The following VAMP7 variants were observed in gnomAD, a reference collection of about 807,000 sequenced individuals.
VAMP7 encodes vesicle associated membrane protein 7, also known as vesicle-associated membrane protein 7.
A neutral mutation model predicts 29.6 loss-of-function variants in VAMP7; 14 were observed. The observed-to-expected ratio is 0.47, with a 90% CI of 0.31 to 0.74. The LOEUF (loss-of-function observed/expected upper bound fraction) is 0.74, where lower values mean the gene tolerates loss of function less well. Among genes scored for constraint, VAMP7 ranks in the 30% least tolerant of loss-of-function variants. VAMP7 has a pLI of 0.05. For missense variants in VAMP7, 223 were observed against 262.4 expected, an observed-to-expected ratio of 0.85 and a Z score of 1.04; for synonymous variants, 95 against 88.1, an observed-to-expected ratio of 1.08 and a Z score of -0.44.
At chrX:155,914,686 C>T (rs948480076) in intron 5 of VAMP7, among the ~76,000 whole-genome samples, 1 of 152,090 alleles carries the variant, frequency 6.6e-6, no homozygotes, top group Non-Finnish European at 1.5e-5. Context: ...GTATGTTGAA[C>T]CAGTCTTGCA....
At chrX:155,935,529 G>A (rs2066638331) in intron 6 of VAMP7, among the ~76,000 whole-genome samples, 1 of 151,916 alleles carries the variant, frequency 6.6e-6, no homozygotes, top group South Asian at 2.1e-4. Context: ...CTTAGTTCTC[G>A]TGCCATGGTT....
chrX:155,895,696 A>G lies in VAMP7; in HGVS notation c.204+16A>G. 2 of 1,603,382 alleles carry G rather than the reference A, an allele frequency of 1.2e-6. No homozygotes were observed. Among genetic ancestry groups the G allele is most frequent in the Admixed American group, 1.7e-5 (1 of 59,958 alleles). ...CACTGATGATGTAAGTAACTTGAAG[A>G]CATATTGCTATTTAACTATGTGTAC... On this transcript the variant is annotated intron_variant, in intron 3 of 7. Coordinates refer to ENST00000286448, the MANE Select transcript of VAMP7 (RefSeq NM_005638.6).
At chrX:155,899,667 T>C (rs1332077957) in intron 4 of VAMP7, among the ~76,000 whole-genome samples, 1 of 151,984 alleles carries the variant, frequency 6.6e-6, no homozygotes, top group African/African-American at 2.4e-5. Flanking sequence ...AATGTTCATC[T>C]GTGTAAAACT....
intron 5 of VAMP7, among the ~76,000 whole-genome samples, chrX:155,917,093 TATTTCATTAA>T (rs1333438845): frequency 1.3e-5 from 2 of 152,206 alleles, no homozygotes; most frequent in Admixed American, 6.5e-5. Flanking sequence ...CTTCACACTT[TATTTCATTAA>T]GTTGATCTAC....
At chrX:155,937,730 G>A (rs1222806480) in intron 6 of VAMP7, among the ~76,000 whole-genome samples, 1 of 152,064 alleles carries the variant, frequency 6.6e-6, no homozygotes, top group African/African-American at 2.4e-5. Flanking sequence ...TCTTCAATTA[G>A]TCCCTTGATT....
intron 6 of VAMP7, among the ~76,000 whole-genome samples, chrX:155,929,470 G>A (rs1280794477): frequency 6.6e-6 from 1 of 152,028 alleles, no homozygotes; most frequent in African/African-American, 2.4e-5. Context: ...TTGTGTGGGG[G>A]GTGTGACTGA....
chrX:155,930,054 G>C (rs890886479), intron 6 of VAMP7, among the ~76,000 whole-genome samples: 1 of 152,306 alleles, frequency 6.6e-6, no homozygotes, highest in South Asian at 2.1e-4. Context: ...TAGAGCTTTT[G>C]TTGTCCTCTT....
At chrX:155,932,047 G>A (rs1310697009) in intron 6 of VAMP7, among the ~76,000 whole-genome samples, 2 of 152,064 alleles carry the variant, frequency 1.3e-5, no homozygotes, top group Admixed American at 1.3e-4. Flanking sequence ...TGAGGGCTCT[G>A]TTCTGTTCCA....
intron 2 of VAMP7, among the ~76,000 whole-genome samples, chrX:155,892,528 TC>T (rs1247329506): frequency 6.6e-6 from 1 of 152,138 alleles, no homozygotes. Context: ...AGGTTCTTTC[TC>T]TCTTCCTAGC....
At chrX:155,894,038 A>G (rs1415414325) in intron 2 of VAMP7, among the ~76,000 whole-genome samples, 1 of 152,184 alleles carries the variant, frequency 6.6e-6, no homozygotes, top group Non-Finnish European at 1.5e-5. Context: ...GTCCTCTGTG[A>G]ACATTAATAT....
At chrX:155,905,369 G>A (rs903749874) in intron 5 of VAMP7, among the ~76,000 whole-genome samples, 2 of 152,028 alleles carry the variant, frequency 1.3e-5, no homozygotes, top group African/African-American at 4.8e-5. Context: ...TATTCTGTGA[G>A]TTGTCTTTTC....
intron 5 of VAMP7, among the ~76,000 whole-genome samples, chrX:155,903,960 G>A (rs900822939): frequency 2.0e-5 from 3 of 151,954 alleles, no homozygotes; most frequent in African/African-American, 7.3e-5. Context: ...CAACCCAAAT[G>A]TCCAACAATG....
chrX:155,901,414 C>T (rs1250742700), intron 5 of VAMP7, among the ~76,000 whole-genome samples: 1 of 151,948 alleles, frequency 6.6e-6, no homozygotes, highest in Non-Finnish European at 1.5e-5. Flanking sequence ...CAGACAATTG[C>T]TACAATATTA....
At chrX:155,899,819 T>A (rs993183172) in intron 4 of VAMP7, among the ~76,000 whole-genome samples, 6 of 152,088 alleles carry the variant, frequency 3.9e-5, no homozygotes, top group African/African-American at 1.4e-4. Context: ...ACCTGTTCCT[T>A]TGTCTGTAAA....
chrX:155,892,619 T>G (rs2065938210), intron 2 of VAMP7, among the ~76,000 whole-genome samples: 1 of 152,166 alleles, frequency 6.6e-6, no homozygotes, highest in East Asian at 1.9e-4. Context: ...GTGCCTGAGC[T>G]TAGATGTTTC....
chrX:155,923,731 T>C (rs2066428753), intron 6 of VAMP7, among the ~76,000 whole-genome samples: 1 of 152,118 alleles, frequency 6.6e-6, no homozygotes, highest in South Asian at 2.1e-4. Context: ...TGTTTAGCTC[T>C]TTCTAGGCTT....
In VAMP7 at chrX:155,919,869, C is replaced by T. The variant is rs1328107352; in HGVS notation, c.490C>T (p.Leu164Phe). 1 of 1,611,834 alleles carries T rather than the reference C, an allele frequency of 6.2e-7. No homozygotes were observed. The highest frequency in any genetic ancestry group is 1.3e-5 in the African/African-American group (1 of 74,862). ...LELLIDKTEN[L>F]VDSSVTFKTT... is the part of the protein sequence containing the mutation. ...ATTATTGATTGACAAAACAGAAAAT[C>T]TTGTGGATTCTGTAAGTATGGAATC... Residue 164 changes from leucine (L) to phenylalanine (F), a missense_variant, in exon 6 of 8, where the codon CTT (leucine) becomes TTT (phenylalanine). By Grantham distance (22) the Leu-to-Phe change is conservative. Transcript: ENST00000286448.
At chrX:155,939,624 A>G in intron 6 of VAMP7, 77 bp from the exon 7 acceptor site, 1 of 1,041,898 alleles carries the variant, frequency 9.6e-7, no homozygotes, top group East Asian at 2.4e-5. Flanking sequence ...AATGGAAGTA[A>G]AATGTTCTCA....
chrX:155,893,936 G>A (rs1341977180), intron 2 of VAMP7, among the ~76,000 whole-genome samples: 3 of 152,228 alleles, frequency 2.0e-5, no homozygotes, highest in Non-Finnish European at 4.4e-5. Context: ...ATGGCAATGT[G>A]GAAGTCATTG....
Sources: gnomAD v4.1 joint callset for allele counts (sites outside exome capture counted in the v4.1 genomes callset) on GRCh38, gnomAD v4.1.1 for gene constraint, MANE v1.5 for transcripts, NCBI Gene and HGNC (gene_info 2026-07-23, HGNC 2026-07-21) for gene names.